SH3BP4: variants seen among roughly 807,000 people sequenced by gnomAD.
SH3BP4 encodes the protein SH3 domain binding protein 4.
Under a neutral mutation model 65.5 loss-of-function variants are expected in SH3BP4, and 33 were observed. The ratio of observed to expected loss-of-function variants is 0.50; its 90% CI spans 0.38 to 0.67. The LOEUF is 0.67. SH3BP4 is among the 30% of genes least tolerant of loss of function. The probability of loss-of-function intolerance (pLI) is 0.00; values close to 1 mark genes in which losing one functional copy is unlikely to be tolerated. For synonymous variants in SH3BP4, 552 were observed against 545.5 expected (o/e 1.01, Z -0.17); for missense variants, 1,134 against 1,261.4 (o/e 0.90, Z 1.53).
At chr2:234,981,218 T>C (rs1189240909) in intron 1 of SH3BP4, among the ~76,000 whole-genome samples, 1 of 152,214 alleles carries the variant, frequency 6.6e-6, no homozygotes. Flanking sequence ...CTGGCCTGTG[T>C]GTCCTGGTCT....
intron 1 of SH3BP4, chr2:234,953,159 T>C (rs1174892333): frequency 6.6e-6 from 1 of 152,254 alleles, no homozygotes; most frequent in Non-Finnish European, 1.5e-5. Context: ...ATAGAATTTA[T>C]CCGTGATAAT....
intron 1 of SH3BP4, among the ~76,000 whole-genome samples, chr2:234,958,428 G>T (rs910407727): frequency 8.5e-5 from 13 of 152,060 alleles, no homozygotes; most frequent in African/African-American, 2.7e-4. Flanking sequence ...TCGCCCTGGG[G>T]GGGTGTCTGG....
At position 235,030,766 on chromosome 2, in the gene SH3BP4, T is replaced by C. The variant is rs748129357; in HGVS notation, c.-132-4105T>C. ...TTCTCCATCCCGTGCCAGCCCCCTG[T>C]AGATGCAGTGGTGTCTGGAGGAGCA... is the stretch of plus-strand genomic sequence containing the variant. On this transcript the variant is annotated intron_variant, in intron 2 of 5. Transcript: ENST00000392011. This position sits in a 1 kb window ranked among gnomAD's most constrained non-coding sequence, Gnocchi z 4.1. Among the ~76,000 whole-genome samples the C allele has an allele frequency of 6.8e-4, 103 of 152,250 alleles. No homozygotes were observed. Among genetic ancestry groups the C allele is most frequent in the Non-Finnish European group, 1.4e-3 (95 of 68,006 alleles).
At chr2:235,036,163 C>G (rs547869005) in intron 3 of SH3BP4, among the ~76,000 whole-genome samples, 1 of 152,350 alleles carries the variant, frequency 6.6e-6, no homozygotes, top group Admixed American at 6.5e-5. Flanking sequence ...TCCCCTTTAT[C>G]CCAAACATCT....
chr2:234,998,668 C>T (rs576383295), intron 2 of SH3BP4, among the ~76,000 whole-genome samples: 5 of 152,346 alleles, frequency 3.3e-5, no homozygotes, highest in Admixed American at 6.5e-5. Context: ...TTCAAAACTT[C>T]GTCATCACCC....
chr2:235,002,198 A>G (rs1446432672), intron 2 of SH3BP4, among the ~76,000 whole-genome samples: 3 of 152,220 alleles, frequency 2.0e-5, no homozygotes, highest in South Asian at 2.1e-4. Flanking sequence ...TTCTGGGGCC[A>G]TCGTCAGATT....
At position 235,046,730 on chromosome 2, in the gene SH3BP4, T is replaced by C. The variant is rs1695871213; in HGVS notation, c.2478+3483T>C. On this transcript the variant is annotated intron_variant, in intron 4 of 5. Coordinates refer to ENST00000392011, the MANE Select transcript of SH3BP4 (RefSeq NM_014521.3). This position sits in a 1 kb window ranked among gnomAD's most constrained non-coding sequence, Gnocchi z 4.2. ...ATGGATAAGTGATTGAATGAATGAA[T>C]GATGGATGAATGAATGAATGATGAA... 6.6e-6 allele frequency among the ~76,000 whole-genome samples: 1 copy of C among 150,874 alleles called. No individual in the cohort carries two copies. Among genetic ancestry groups the C allele is most frequent in the Middle Eastern group, 3.2e-3 (1 of 314 alleles).
intron 2 of SH3BP4, among the ~76,000 whole-genome samples, chr2:235,021,811 GC>G (rs1403375153): frequency 6.6e-6 from 1 of 152,100 alleles, no homozygotes; most frequent in Non-Finnish European, 1.5e-5. Flanking sequence ...ACACAGAACA[GC>G]CCCGATTCAG....
chr2:235,033,151 G>T lies in SH3BP4; in HGVS notation c.-132-1720G>T, dbSNP rs907454065. Among the ~76,000 whole-genome samples the T allele has an allele frequency of 6.6e-6, 1 of 152,126 alleles. No homozygotes were observed. Among genetic ancestry groups the T allele is most frequent in the East Asian group, 1.9e-4 (1 of 5,180 alleles). On this transcript the variant is annotated intron_variant, in intron 2 of 5. Coordinates refer to ENST00000392011, the MANE Select transcript of SH3BP4 (RefSeq NM_014521.3). The surrounding 1 kb of genome is among the most constrained non-coding windows in gnomAD (Gnocchi z 5.7). ...GGCCACCATGCCCTCCTCTCCTGCC[G>T]CCTGCTGCATTCAAGCACCACAGCC...
chr2:235,009,510 C>T lies in SH3BP4; in HGVS notation c.-133+14134C>T, dbSNP rs138942898. On this transcript the variant is annotated intron_variant, in intron 2 of 5. Transcript: ENST00000392011. ...AGTGCTTTGGGGATTCAGCTCCTTCCGTTGGCCTCCATTATTTCTTGGCTT... is the reference window on the plus strand; with the variant it reads ...AGTGCTTTGGGGATTCAGCTCCTTCTGTTGGCCTCCATTATTTCTTGGCTT... Among the ~76,000 whole-genome samples the T allele has an allele frequency of 5.4e-3, 824 of 152,220 alleles. 6 individuals carry two copies. Among genetic ancestry groups the T allele is most frequent in the African/African-American group, 0.019 (782 of 41,522 alleles).
At chr2:234,981,440 G>A (rs1008406991) in intron 1 of SH3BP4, among the ~76,000 whole-genome samples, 2 of 152,166 alleles carry the variant, frequency 1.3e-5, no homozygotes, top group Non-Finnish European at 2.9e-5. Flanking sequence ...GGAGCTCGGG[G>A]ACCCCTCACA....
At chr2:235,020,462 A>T (rs915992516) in intron 2 of SH3BP4, among the ~76,000 whole-genome samples, 22 of 152,210 alleles carry the variant, frequency 1.4e-4, no homozygotes, top group African/African-American at 5.1e-4. Flanking sequence ...GTACCACTGC[A>T]CTCTAGCCTG....
In SH3BP4 at chr2:235,052,591, G is replaced by C; in HGVS notation, c.2508G>C (p.Leu836=). Residue 836 remains leucine (L), a synonymous_variant, in exon 5 of 6, where the codon CTG becomes CTC. Coordinates refer to ENST00000392011, the MANE Select transcript of SH3BP4 (RefSeq NM_014521.3). The surrounding 1 kb of genome is among the most constrained non-coding windows in gnomAD (Gnocchi z 5.0). ...MALLKMDCQG[L]VVRLIQDFVL... ...TACTGAAGATGGACTGCCAGGGCCT[G>C]GTGGTCAGACTCATCCAGGACTTTG... 6.4e-7 allele frequency: 1 copy of C among 1,552,948 alleles called. No homozygotes were observed. Among genetic ancestry groups the C allele is most frequent in the Non-Finnish European group, 8.7e-7 (1 of 1,148,036 alleles).
intron 1 of SH3BP4, among the ~76,000 whole-genome samples, chr2:234,988,338 C>A (rs373099797): frequency 6.6e-6 from 1 of 152,160 alleles, no homozygotes; most frequent in Non-Finnish European, 1.5e-5. Flanking sequence ...GGATTACAGG[C>A]GTGAGCCACC....
At chr2:235,000,320 G>A (rs918086497) in intron 2 of SH3BP4, among the ~76,000 whole-genome samples, 1 of 152,224 alleles carries the variant, frequency 6.6e-6, no homozygotes, top group African/African-American at 2.4e-5. Context: ...AGCCTGGGCT[G>A]TGTGGCTTCA....
intron 3 of SH3BP4, among the ~76,000 whole-genome samples, chr2:235,039,544 A>T (rs187579992): frequency 4.3e-4 from 66 of 151,866 alleles, no homozygotes; most frequent in Non-Finnish European, 8.7e-4. Context: ...ATTGTTTATT[A>T]CGGGAAGCCA....
Position 235,034,274 on chromosome 2 carries a change from C to T in SH3BP4, c.-132-597C>T, listed in dbSNP as rs191469295. 4.9e-4 allele frequency among the ~76,000 whole-genome samples: 75 copies of T among 152,314 alleles called. No individual in the cohort carries two copies. The highest frequency in any genetic ancestry group is 1.2e-3 in the African/African-American group (50 of 41,570). The stretch of plus-strand genomic sequence containing the variant: ...AATATGCCCTGGTTTCATCTGCATA[C>T]GTTGCATTGAGAATACCTTATGGCC... On this transcript the variant is annotated intron_variant, in intron 2 of 5. Coordinates refer to ENST00000392011, the MANE Select transcript of SH3BP4 (RefSeq NM_014521.3). This position sits in a 1 kb window ranked among gnomAD's most constrained non-coding sequence, Gnocchi z 6.2.
chr2:235,008,885 C>T (rs549890551), intron 2 of SH3BP4, among the ~76,000 whole-genome samples: 4 of 152,318 alleles, frequency 2.6e-5, no homozygotes, highest in South Asian at 2.1e-4. Context: ...CAGCTGGCTG[C>T]TGCCTGCCTG....
In SH3BP4 at chr2:235,038,198, T is replaced by C. The variant is rs375591458; in HGVS notation, c.119-2690T>C. Among the ~76,000 whole-genome samples, 18 of 129,012 alleles carry C rather than the reference T, an allele frequency of 1.4e-4. No individual in the cohort carries two copies. In the East Asian group the frequency reaches 3.0e-3, roughly 21 times the overall value. The allele number at this position is 129,012 out of a possible 152,430, so 84.6% of individuals were successfully genotyped here. The stretch of plus-strand genomic sequence containing the variant: ...CACATACACATATTTCATATATATA[T>C]ACACATATATATAATATATATATAA... On this transcript the variant is annotated intron_variant, in intron 3 of 5. Coordinates refer to ENST00000392011, the MANE Select transcript of SH3BP4 (RefSeq NM_014521.3).
Sources: allele counts gnomAD v4.1 joint callset (sites outside exome capture counted in the v4.1 genomes callset), GRCh38; gene constraint gnomAD v4.1.1; non-coding constraint Gnocchi (gnomAD v3.1); transcripts MANE v1.5; gene names NCBI Gene and HGNC (gene_info 2026-07-23, HGNC 2026-07-21).